The following NCK1 variants were observed in gnomAD, a reference collection of about 807,000 sequenced individuals.
NCK1 encodes the protein SH2/SH3 adapter protein NCK1.
NCK1 carries 19 observed loss-of-function variants against 36.6 expected under a neutral mutation model. The observed-to-expected ratio is 0.52, with a 90% CI of 0.36 to 0.76. The LOEUF is 0.76. NCK1 is among the 30% of genes least tolerant of loss of function. The pLI, the probability that NCK1 is intolerant of heterozygous loss-of-function variation, is 0.00. For missense variants in NCK1, 358 were observed against 445.6 expected, an observed-to-expected ratio of 0.80 and a Z score of 1.77; for synonymous variants, 165 against 156.0, an observed-to-expected ratio of 1.06 and a Z score of -0.43.
intron 2 of NCK1, among the ~76,000 whole-genome samples, chr3:136,929,478 G>C (rs895892459): frequency 1.3e-5 from 2 of 152,100 alleles, no homozygotes; most frequent in Non-Finnish European, 2.9e-5. Flanking sequence ...AAATACTTTT[G>C]GGTTTTGTGA....
intron 1 of NCK1, among the ~76,000 whole-genome samples, chr3:136,896,161 C>A (rs1014200281): frequency 5.3e-5 from 8 of 152,290 alleles, no homozygotes; most frequent in African/African-American, 1.7e-4. Context: ...GTCCTCTCTT[C>A]TATCTACTTT....
chr3:136,908,610 C>T (rs1210672245), intron 1 of NCK1, among the ~76,000 whole-genome samples: 1 of 152,120 alleles, frequency 6.6e-6, no homozygotes, highest in East Asian at 1.9e-4. Flanking sequence ...GGTTGTCCCA[C>T]CTGTTAAAGG....
chr3:136,930,164 G>A (rs537436579), intron 2 of NCK1, among the ~76,000 whole-genome samples: 2 of 152,110 alleles, frequency 1.3e-5, no homozygotes, highest in South Asian at 2.1e-4. Context: ...TTAAATATCC[G>A]GTGTAATTAA....
At chr3:136,898,802 G>T (rs145484645) in intron 1 of NCK1, among the ~76,000 whole-genome samples, 69 of 152,294 alleles carry the variant, frequency 4.5e-4, no homozygotes, top group Non-Finnish European at 8.2e-4. Context: ...ATGTGATGTG[G>T]ACTTCCTCCA....
chr3:136,869,427 C>A (rs142114705), intron 1 of NCK1, among the ~76,000 whole-genome samples: 1 of 151,988 alleles, frequency 6.6e-6, no homozygotes, highest in South Asian at 2.1e-4. Context: ...TGCCTGTAAT[C>A]TCAGCTACTC....
chr3:136,896,613 C>G (rs1421846666), intron 1 of NCK1, among the ~76,000 whole-genome samples: 1 of 152,148 alleles, frequency 6.6e-6, no homozygotes, highest in Non-Finnish European at 1.5e-5. Flanking sequence ...TCATGGCTCA[C>G]TGCAGTGAGT....
At chr3:136,893,970 C>T (rs1471472004) in intron 1 of NCK1, among the ~76,000 whole-genome samples, 3 of 152,112 alleles carry the variant, frequency 2.0e-5, no homozygotes, top group Non-Finnish European at 2.9e-5. Flanking sequence ...GTTGCCTTGC[C>T]TGTTTTGAGC....
At chr3:136,915,855 A>G (rs1450320170) in intron 1 of NCK1, among the ~76,000 whole-genome samples, 2 of 151,886 alleles carry the variant, frequency 1.3e-5, no homozygotes, top group Admixed American at 6.6e-5. Context: ...CCTCCCGAGT[A>G]GCTGGGATTA....
chr3:136,911,614 C>T (rs749662094), intron 1 of NCK1, among the ~76,000 whole-genome samples: 73 of 152,196 alleles, frequency 4.8e-4, no homozygotes, highest in Admixed American at 1.4e-3. Context: ...GTCTGGAGTT[C>T]CTTATATATT....
At chr3:136,866,196 C>T (rs1938404721) in intron 1 of NCK1, among the ~76,000 whole-genome samples, 1 of 152,044 alleles carries the variant, frequency 6.6e-6, no homozygotes, top group African/African-American at 2.4e-5. Flanking sequence ...TTTTTTTAAT[C>T]AGTGCCAGCA....
chr3:136,924,674 T>C (rs910542875), intron 1 of NCK1, among the ~76,000 whole-genome samples: 9 of 152,246 alleles, frequency 5.9e-5, no homozygotes, highest in African/African-American at 1.9e-4. Flanking sequence ...TCTTATATAT[T>C]TTTATGCATC....
chr3:136,866,601 C>T (rs1560028060), intron 1 of NCK1, among the ~76,000 whole-genome samples: 8 of 151,516 alleles, frequency 5.3e-5, no homozygotes, highest in Non-Finnish European at 1.0e-4. Context: ...GCCACTGTGC[C>T]TGGCCTCTTT....
At chr3:136,893,495 G>A (rs939441803) in intron 1 of NCK1, among the ~76,000 whole-genome samples, 2 of 151,906 alleles carry the variant, frequency 1.3e-5, no homozygotes, top group African/African-American at 2.4e-5. Flanking sequence ...TGATGGGATT[G>A]TTTTTTTCTT....
chr3:136,918,767 C>T (rs1025966607), intron 1 of NCK1, among the ~76,000 whole-genome samples: 10 of 152,122 alleles, frequency 6.6e-5, no homozygotes, highest in Admixed American at 2.6e-4. Flanking sequence ...CCAGGAAAGC[C>T]AAAAGATTGG....
chr3:136,894,261 A>G (rs557184334), intron 1 of NCK1, among the ~76,000 whole-genome samples: 1 of 152,170 alleles, frequency 6.6e-6, no homozygotes, highest in South Asian at 2.1e-4. Context: ...TTGTGGGGAT[A>G]GGAAATCCAC....
intron 1 of NCK1, among the ~76,000 whole-genome samples, chr3:136,888,110 A>G (rs969470032): frequency 2.0e-5 from 3 of 151,544 alleles, no homozygotes; most frequent in Admixed American, 1.3e-4. Context: ...ACGCCTGGCT[A>G]ATTTTTGTAT....
At chr3:136,921,231 A>G (rs1175480270) in intron 1 of NCK1, among the ~76,000 whole-genome samples, 1 of 152,226 alleles carries the variant, frequency 6.6e-6, no homozygotes, top group African/African-American at 2.4e-5. Context: ...TAGATAGCCA[A>G]ACTACCAGTC....
At position 136,945,735 on chromosome 3, in the gene NCK1, T is replaced by C; in HGVS notation, c.379T>C (p.Leu127=). The C allele has an allele frequency of 6.2e-7, 1 of 1,614,172 alleles. No individual in the cohort carries two copies. Among genetic ancestry groups the C allele is most frequent in the East Asian group, 2.2e-5 (1 of 44,882 alleles). Residue 127 remains leucine (L), a synonymous_variant, in exon 3 of 4, where the codon TTG becomes CTG. Coordinates refer to ENST00000481752, the MANE Select transcript of NCK1 (RefSeq NM_001291999.2). ...GGCTGAGAGAGAGGATGAATTATCA[T>C]TGATAAAGGGGACAAAGGTGATCGT... ...YMAEREDELS[L]IKGTKVIVME...
rs190295853 is a variant in NCK1, at chr3:136,950,705, G to A, written c.*2252G>A. On this transcript the variant is annotated 3_prime_UTR_variant, in exon 4 of 4. Coordinates refer to ENST00000481752, the MANE Select transcript of NCK1 (RefSeq NM_001291999.2). ...TTATTCCCAGCCTGGTGTCTGTATC[G>A]TGACACACTACTCTGTGTATGCTTG... Among the ~76,000 whole-genome samples, 215 of 152,194 alleles carry A rather than the reference G, an allele frequency of 1.4e-3. 1 individual carries two copies. The highest frequency in any genetic ancestry group is 4.9e-3 in the African/African-American group (202 of 41,526).
Sources: gnomAD v4.1 joint callset for allele counts (sites outside exome capture counted in the v4.1 genomes callset) on GRCh38, gnomAD v4.1.1 for gene constraint, MANE v1.5 for transcripts, NCBI Gene and HGNC (gene_info 2026-07-23, HGNC 2026-07-21) for gene names.